ZBTB20: variants seen among roughly 807,000 people sequenced by gnomAD.
ZBTB20 encodes zinc finger and BTB domain-containing protein 20.
Under a neutral mutation model 56.9 loss-of-function variants are expected in ZBTB20, and 9 were observed. The observed-to-expected ratio is 0.16, with a 90% CI of 0.10 to 0.28. The LOEUF is 0.28. Among genes scored for constraint, ZBTB20 ranks in the 10% least tolerant of loss-of-function variants. The probability of loss-of-function intolerance (pLI) is 1.00; values close to 1 mark genes in which losing one functional copy is unlikely to be tolerated. For missense variants in ZBTB20, 655 were observed against 1,003.0 expected, an observed-to-expected ratio of 0.65 and a Z score of 4.69; for synonymous variants, 417 against 420.7, an observed-to-expected ratio of 0.99 and a Z score of 0.11.
intron 6 of ZBTB20, among the ~76,000 whole-genome samples, chr3:114,692,049 A>C (rs2062728366): frequency 6.6e-6 from 1 of 152,166 alleles, no homozygotes; most frequent in African/African-American, 2.4e-5. Flanking sequence ...TACAGATTTT[A>C]TCTGATCATA....
rs869141975 is a variant in ZBTB20, at chr3:114,883,916, CTT to C, written c.-417+16386_-417+16387del. On this transcript the variant is annotated intron_variant, in intron 4 of 11. Transcript: ENST00000675478. ...GTATAACTGGTAAGAATGGTGTGTT[CTT>C]TTTTTTTTTTTTTTTTTTTTTTTTT... 9.5e-4 allele frequency among the ~76,000 whole-genome samples: 85 copies of C among 89,824 alleles called. 25 individuals are homozygous for C. Among genetic ancestry groups the C allele is most frequent in the East Asian group, 2.4e-3 (6 of 2,552 alleles). The allele number at this position is 89,824 out of a possible 152,430, so 58.9% of individuals were successfully genotyped here.
intron 1 of ZBTB20, among the ~76,000 whole-genome samples, chr3:115,122,325 T>A (rs2084206222): frequency 6.6e-6 from 1 of 151,978 alleles, no homozygotes; most frequent in African/African-American, 2.4e-5. Context: ...TTTTTTTTCA[T>A]ATTTGGTTCC....
chr3:114,354,403 T>C (rs995469341), intron 10 of ZBTB20, among the ~76,000 whole-genome samples: 3 of 152,238 alleles, frequency 2.0e-5, no homozygotes, highest in Non-Finnish European at 4.4e-5. Flanking sequence ...ACACTAGAGA[T>C]GTCATATATG....
chr3:114,751,924 G>T (rs2067594469), intron 5 of ZBTB20, among the ~76,000 whole-genome samples: 1 of 152,052 alleles, frequency 6.6e-6, no homozygotes, highest in African/African-American at 2.4e-5. Flanking sequence ...TGTTTTGTTA[G>T]TAATAATAAT....
intron 4 of ZBTB20, among the ~76,000 whole-genome samples, chr3:114,843,363 A>G (rs1388814097): frequency 6.6e-6 from 1 of 152,120 alleles, no homozygotes; most frequent in Non-Finnish European, 1.5e-5. Flanking sequence ...ACCTTGTCTT[A>G]TTTATTTTTC....
At chr3:114,663,096 C>T (rs1578217754) in intron 6 of ZBTB20, among the ~76,000 whole-genome samples, 1 of 150,232 alleles carries the variant, frequency 6.7e-6, no homozygotes, top group Middle Eastern at 3.4e-3. Context: ...TCAGATTCAC[C>T]AAAGTTGAAA....
At chr3:114,970,916 A>G (rs542177976) in intron 3 of ZBTB20, among the ~76,000 whole-genome samples, 5 of 152,054 alleles carry the variant, frequency 3.3e-5, no homozygotes, top group East Asian at 1.9e-4. Flanking sequence ...TTGGGAGGCT[A>G]AGGCAGGAGA....
At chr3:114,811,458 C>G (rs1046190688) in intron 4 of ZBTB20, among the ~76,000 whole-genome samples, 1 of 152,102 alleles carries the variant, frequency 6.6e-6, no homozygotes, top group African/African-American at 2.4e-5. Context: ...ACTCCTATCA[C>G]ATGAAAAGAG....
At chr3:114,648,291 C>A (rs1192825734) in intron 6 of ZBTB20, among the ~76,000 whole-genome samples, 2 of 151,450 alleles carry the variant, frequency 1.3e-5, no homozygotes, top group Non-Finnish European at 2.9e-5. Flanking sequence ...TAATAGAAAC[C>A]ATTTGTGGAG....
intron 4 of ZBTB20, among the ~76,000 whole-genome samples, chr3:114,814,653 CACCTGAAGATG>C (rs2072792495): frequency 6.6e-6 from 1 of 152,200 alleles, no homozygotes; most frequent in South Asian, 2.1e-4. Context: ...TTTGCTAAGT[CACCTGAAGATG>C]ATTCTTGCCT....
intron 1 of ZBTB20, chr3:115,102,737 G>A (rs940754941): frequency 3.3e-5 from 5 of 152,100 alleles, no homozygotes; most frequent in Non-Finnish European, 7.3e-5. Context: ...GGGAGGCCGA[G>A]GCAGGCAGAT....
intron 6 of ZBTB20, among the ~76,000 whole-genome samples, chr3:114,634,931 AT>A (rs1487237748): frequency 6.6e-6 from 1 of 152,198 alleles, no homozygotes; most frequent in African/African-American, 2.4e-5. Flanking sequence ...GAGCAAAGAA[AT>A]GAGGAGGGCA....
chr3:114,943,280 G>A (rs2076778814), intron 3 of ZBTB20, among the ~76,000 whole-genome samples: 1 of 145,366 alleles, frequency 6.9e-6, no homozygotes, highest in East Asian at 1.9e-4. Flanking sequence ...AATAATCTGT[G>A]AGGAGAAAAT....
At chr3:114,424,000 T>A (rs1417890204) in intron 7 of ZBTB20, among the ~76,000 whole-genome samples, 2 of 152,248 alleles carry the variant, frequency 1.3e-5, no homozygotes, top group Non-Finnish European at 2.9e-5. Context: ...TTATCAATGC[T>A]TGGCAGAGGT....
chr3:114,390,879 T>C (rs1221342791), intron 7 of ZBTB20, among the ~76,000 whole-genome samples: 1 of 152,218 alleles, frequency 6.6e-6, no homozygotes, highest in Non-Finnish European at 1.5e-5. Flanking sequence ...ACTTAATTCA[T>C]TGTCTTTCCT....
chr3:114,714,254 C>A (rs918380503), intron 5 of ZBTB20, among the ~76,000 whole-genome samples: 1 of 152,150 alleles, frequency 6.6e-6, no homozygotes, highest in African/African-American at 2.4e-5. Flanking sequence ...TGGCCAAGTG[C>A]CCAGCTAAGA....
intron 2 of ZBTB20, among the ~76,000 whole-genome samples, chr3:115,058,045 C>A (rs958157277): frequency 1.3e-5 from 2 of 152,156 alleles, no homozygotes; most frequent in African/African-American, 2.4e-5. Context: ...ATAAAACCAT[C>A]AGATCTTGTG....
At chr3:114,741,096 T>C (rs1184774503) in intron 5 of ZBTB20, among the ~76,000 whole-genome samples, 4 of 152,220 alleles carry the variant, frequency 2.6e-5, no homozygotes, top group South Asian at 4.1e-4. Context: ...CCATGGAACA[T>C]GTTAAAATCT....
At chr3:114,787,368 T>TATACATAC (rs1433434685) in intron 5 of ZBTB20, among the ~76,000 whole-genome samples, 4 of 106,332 alleles carry the variant, frequency 3.8e-5, no homozygotes, top group African/African-American at 1.4e-4. Context: ...TATATATATA[T>TATACATAC]ACACACACAC....
Sources: allele counts gnomAD v4.1 joint callset (sites outside exome capture counted in the v4.1 genomes callset), GRCh38; gene constraint gnomAD v4.1.1; transcripts MANE v1.5; gene names NCBI Gene and HGNC (gene_info 2026-07-23, HGNC 2026-07-21).